Variants in KIAA2012 observed in about 807,000 individuals in gnomAD.
The protein encoded by KIAA2012 is KIAA2012, also known as uncharacterized protein KIAA2012.
In KIAA2012, 125 loss-of-function variants were observed where a neutral mutation model predicts 150.6. That is an observed-to-expected ratio of 0.83 (90% CI 0.72 to 0.96). KIAA2012 has a LOEUF of 0.96. Among genes scored for constraint, KIAA2012 ranks in the 40% least tolerant of loss-of-function variants. The probability of loss-of-function intolerance (pLI) is 0.00; values close to 1 mark genes in which losing one functional copy is unlikely to be tolerated. For missense variants in KIAA2012, 1,219 were observed against 1,354.9 expected (o/e 0.90, Z 1.57); for synonymous variants, 462 against 504.7 (o/e 0.92, Z 1.13).
In KIAA2012 at chr2:202,104,883, C is replaced by T. The variant is rs188142986; in HGVS notation, c.1325-878C>T. 2.0e-5 allele frequency among the ~76,000 whole-genome samples: 3 copies of T among 152,264 alleles called. No homozygotes were observed. The highest frequency in any genetic ancestry group is 1.9e-4 in the East Asian group (1 of 5,190). On this transcript the variant is annotated intron_variant, in intron 8 of 23. Coordinates refer to ENST00000498697, the MANE Select transcript of KIAA2012 (RefSeq NM_001277372.4). The surrounding 1 kb of genome is among the most constrained non-coding windows in gnomAD (Gnocchi z 4.3). ...ACAATACTATTCACAAGATTGGGTT[C>T]GATCTGATTATTTTCCATGATGACC...
At chr2:202,110,670 A>C (rs1334887007) in intron 10 of KIAA2012, among the ~76,000 whole-genome samples, 3 of 152,204 alleles carry the variant, frequency 2.0e-5, no homozygotes, top group African/African-American at 7.2e-5. Context: ...TTTGAGAGGC[A>C]TGTGGGAACA....
At chr2:202,131,799 A>G (rs990880015) in intron 12 of KIAA2012, among the ~76,000 whole-genome samples, 2 of 152,206 alleles carry the variant, frequency 1.3e-5, no homozygotes, top group African/African-American at 4.8e-5. Flanking sequence ...TAATGACTGC[A>G]CCCCAGGGTA....
At chr2:202,118,676 G>A (rs193163619) in intron 11 of KIAA2012, among the ~76,000 whole-genome samples, 8 of 152,304 alleles carry the variant, frequency 5.3e-5, no homozygotes, top group South Asian at 2.1e-4. Flanking sequence ...TTGGCATGGC[G>A]CTAAGTTAGG....
chr2:202,151,907 C>G (rs4675269), intron 13 of KIAA2012, among the ~76,000 whole-genome samples: 53,796 of 151,784 alleles, frequency 0.35, 9,801 homozygotes, highest in East Asian at 0.6. Flanking sequence ...ACTACAGGCA[C>G]ACACCACCAC....
At chr2:202,079,014 G>A (rs1346160190) in intron 2 of KIAA2012, among the ~76,000 whole-genome samples, 3 of 152,166 alleles carry the variant, frequency 2.0e-5, no homozygotes, top group Non-Finnish European at 2.9e-5. Context: ...TGGCTAACAT[G>A]GTGAAACCCC....
At chr2:202,132,303 G>C (rs1690949462) in intron 12 of KIAA2012, among the ~76,000 whole-genome samples, 1 of 152,180 alleles carries the variant, frequency 6.6e-6, no homozygotes, top group Non-Finnish European at 1.5e-5. Context: ...GTAGAGACTG[G>C]ATTGGAAGAG....
intron 15 of KIAA2012, among the ~76,000 whole-genome samples, chr2:202,165,727 AAAAG>A (rs753204666): frequency 8.5e-5 from 13 of 152,232 alleles, no homozygotes; most frequent in Non-Finnish European, 1.8e-4. Flanking sequence ...ATCTCAAAAA[AAAAG>A]AAAAATGCCT....
intron 15 of KIAA2012, among the ~76,000 whole-genome samples, chr2:202,169,917 G>A (rs926493198): frequency 6.6e-6 from 1 of 152,142 alleles, no homozygotes; most frequent in Admixed American, 6.5e-5. Context: ...AACCAAGGAG[G>A]TCGGGATGGA....
intron 13 of KIAA2012, among the ~76,000 whole-genome samples, chr2:202,144,104 A>G (rs1691252383): frequency 1.3e-5 from 2 of 152,326 alleles, no homozygotes; most frequent in Middle Eastern, 3.4e-3. Flanking sequence ...CAGTTTTCAC[A>G]TTGTCACTTT....
At chr2:202,134,024 C>T (rs1308696706) in intron 12 of KIAA2012, among the ~76,000 whole-genome samples, 1 of 151,574 alleles carries the variant, frequency 6.6e-6, no homozygotes, top group African/African-American at 2.4e-5. Context: ...TTGCATTTTC[C>T]ATTTATGACC....
chr2:202,177,792 T>C (rs1692027382), intron 15 of KIAA2012, among the ~76,000 whole-genome samples: 1 of 152,228 alleles, frequency 6.6e-6, no homozygotes, highest in Non-Finnish European at 1.5e-5. Flanking sequence ...GCATTGAATA[T>C]TGATTGAGTT....
intron 12 of KIAA2012, 77 bp downstream of exon 12, chr2:202,125,359 C>A: frequency 9.3e-7 from 1 of 1,078,478 alleles, no homozygotes; most frequent in Non-Finnish European, 1.4e-6. Flanking sequence ...CATATATAGA[C>A]CTCCAGAAAC....
At chr2:202,171,170 GACAC>G (rs1389014012) in intron 15 of KIAA2012, among the ~76,000 whole-genome samples, 3 of 144,908 alleles carry the variant, frequency 2.1e-5, no homozygotes, top group African/African-American at 5.3e-5. Flanking sequence ...TTCATACATA[GACAC>G]ACACACAGAC....
At chr2:202,185,812 G>T (rs1692216766) in intron 16 of KIAA2012, among the ~76,000 whole-genome samples, 1 of 151,978 alleles carries the variant, frequency 6.6e-6, no homozygotes, top group Non-Finnish European at 1.5e-5. Context: ...GAAATTAAAG[G>T]TTTTCCAAGC....
At chr2:202,099,858 A>G (rs955148884) in intron 6 of KIAA2012, 62 bp downstream of exon 6, 59 of 1,340,822 alleles carry the variant, frequency 4.4e-5, no homozygotes, top group Middle Eastern at 1.9e-4. Flanking sequence ...AGTTCATTTA[A>G]GGACACTGAG....
chr2:202,113,555 G>GC, intron 11 of KIAA2012, 109 bp downstream of exon 11: 1 of 693,042 alleles, frequency 1.4e-6, no homozygotes, highest in Middle Eastern at 2.5e-4. Context: ...AAAAACAGAC[G>GC]CAAGTCAGCC....
intron 15 of KIAA2012, among the ~76,000 whole-genome samples, chr2:202,167,310 G>A (rs957160236): frequency 1.3e-5 from 2 of 152,150 alleles, no homozygotes; most frequent in Non-Finnish European, 1.5e-5. Context: ...AGAATCACCT[G>A]TAAGGCTTAT....
intron 2 of KIAA2012, among the ~76,000 whole-genome samples, chr2:202,077,450 A>G (rs993545800): frequency 1.2e-4 from 19 of 152,184 alleles, no homozygotes; most frequent in Admixed American, 1.0e-3. Flanking sequence ...TTTGGGCTCA[A>G]TGAAAAAAAG....
intron 15 of KIAA2012, chr2:202,179,618 A>G (rs1692074788): frequency 1.5e-6 from 1 of 662,592 alleles, no homozygotes; most frequent in Non-Finnish European, 2.9e-6. Flanking sequence ...CCCACAGCTC[A>G]GCTAGTGCGG....
Sources: gnomAD v4.1 joint callset for allele counts (sites outside exome capture counted in the v4.1 genomes callset) on GRCh38, gnomAD v4.1.1 for gene constraint, Gnocchi (gnomAD v3.1) non-coding constraint, MANE v1.5 for transcripts, NCBI Gene and HGNC (gene_info 2026-07-23, HGNC 2026-07-21) for gene names.